The following SNED1 variants were observed in gnomAD, a reference collection of about 807,000 sequenced individuals.
The protein encoded by SNED1 is sushi, nidogen and EGF like domains 1, also known as sushi, nidogen and EGF-like domain-containing protein 1.
In SNED1, 81 loss-of-function variants were observed where a neutral mutation model predicts 166.7. That is an observed-to-expected ratio of 0.49 (90% confidence interval 0.41 to 0.58). The LOEUF is 0.58. SNED1 is among the 20% of genes least tolerant of loss of function. The probability of loss-of-function intolerance (pLI) is 0.00; values close to 1 mark genes in which losing one functional copy is unlikely to be tolerated. For synonymous variants in SNED1, 762 were observed against 822.0 expected (o/e 0.93, Z 1.25); for missense variants, 1,604 against 2,000.2 (o/e 0.80, Z 3.78).
chr2:241,030,813 A>G (rs1175563566), intron 2 of SNED1, among the ~76,000 whole-genome samples: 1 of 152,220 alleles, frequency 6.6e-6, no homozygotes, highest in Non-Finnish European at 1.5e-5. Context: ...AGCAGCTCAC[A>G]TGTCAGAGAG....
chr2:241,081,196 C>G (rs1035764803), intron 27 of SNED1, among the ~76,000 whole-genome samples: 31 of 152,218 alleles, frequency 2.0e-4, no homozygotes, highest in Non-Finnish European at 4.3e-4. Context: ...GCACCTCTCT[C>G]TAGTGAGAGT....
chr2:241,016,128 T>TAAAGTTAATTTAATGGCAAATTAAAGTAA (rs1559222586), intron 1 of SNED1: 1 of 152,004 alleles, frequency 6.6e-6, no homozygotes. Flanking sequence ...ATTAAATTAA[T>TAAAGTTAATTTAATGGCAAATTAAAGTAA]TGGTTTTCTG....
intron 27 of SNED1, chr2:241,074,895 C>T (rs2062947321): frequency 6.6e-6 from 1 of 152,206 alleles, no homozygotes; most frequent in Non-Finnish European, 1.5e-5. Context: ...TGATCCTGAA[C>T]TTTGTGCCTA....
intron 24 of SNED1, 88 bp downstream of exon 24, chr2:241,070,289 TGG>T: frequency 3.0e-6 from 4 of 1,352,682 alleles, no homozygotes; most frequent in Non-Finnish European, 4.0e-6. Context: ...TGCAGGGGCC[TGG>T]GATGCCAGGC....
At chr2:241,090,231 T>A in intron 31 of SNED1, 2 of 1,492,460 alleles carry the variant, frequency 1.3e-6, no homozygotes, top group Non-Finnish European at 1.8e-6. Flanking sequence ...ACTATTTAAC[T>A]TTTGTTAAAA....
At chr2:241,000,437 G>A (rs915964086) in intron 1 of SNED1, among the ~76,000 whole-genome samples, 10 of 152,302 alleles carry the variant, frequency 6.6e-5, no homozygotes, top group Middle Eastern at 3.4e-3. Flanking sequence ...ACTGACTCCT[G>A]GAAGTACGAA....
At chr2:241,056,806 C>T (rs1290634876) in intron 16 of SNED1, among the ~76,000 whole-genome samples, 1 of 151,704 alleles carries the variant, frequency 6.6e-6, no homozygotes, top group African/African-American at 2.4e-5. Context: ...TGGTCTCGAT[C>T]TCCTGACCTC....
intron 16 of SNED1, among the ~76,000 whole-genome samples, chr2:241,057,980 A>G (rs911536789): frequency 3.3e-5 from 5 of 152,214 alleles, no homozygotes; most frequent in Non-Finnish European, 7.3e-5. Context: ...TTATGATAGA[A>G]AAAATACAAA....
At chr2:241,025,324 G>C (rs547719226) in intron 1 of SNED1, among the ~76,000 whole-genome samples, 2 of 152,058 alleles carry the variant, frequency 1.3e-5, no homozygotes, top group Non-Finnish European at 2.9e-5. Flanking sequence ...TGGAAAAATT[G>C]TCTTCTATGA....
Position 241,068,808 on chromosome 2 carries a change from C to G in SNED1, c.3195-103C>G. 2.6e-6 allele frequency: 2 copies of G among 762,556 alleles called. No homozygotes were observed. 47.2% of individuals were successfully genotyped at this position (762,556 alleles called of 1,614,324 possible). Reference sequence around the variant, plus strand: ...CCTGGGCCACCAGCAGCAGGATGACCTCCCCGCAGTCACCTCCTGCCTGGG... The same window carrying G: ...CCTGGGCCACCAGCAGCAGGATGACGTCCCCGCAGTCACCTCCTGCCTGGG... On this transcript the variant is annotated intron_variant, in intron 22 of 31. Coordinates refer to ENST00000310397, the MANE Select transcript of SNED1 (RefSeq NM_001080437.3). This position sits in a 1 kb window ranked among gnomAD's most constrained non-coding sequence, Gnocchi z 5.3.
At chr2:241,029,933 G>A (rs1022409834) in intron 1 of SNED1, among the ~76,000 whole-genome samples, 10 of 152,270 alleles carry the variant, frequency 6.6e-5, no homozygotes, top group Non-Finnish European at 1.0e-4. Context: ...GAGCTGAGGA[G>A]CAGTAGCTGC....
chr2:241,078,189 T>C lies in SNED1; in HGVS notation c.3917-3488T>C, dbSNP rs375190930. On this transcript the variant is annotated intron_variant, in intron 27 of 31. Coordinates refer to ENST00000310397, the MANE Select transcript of SNED1 (RefSeq NM_001080437.3). ...CACCAGGTCAGGCGTTCGAGACAAGTCTGGCCAACGCGGTGAAACCCCGTC... is the reference window on the plus strand; with the variant it reads ...CACCAGGTCAGGCGTTCGAGACAAGCCTGGCCAACGCGGTGAAACCCCGTC... 7.7e-3 allele frequency among the ~76,000 whole-genome samples: 1,149 copies of C among 149,644 alleles called. 36 individuals carry two copies. Among genetic ancestry groups the C allele is most frequent in the African/African-American group, 0.027 (1,060 of 39,522 alleles).
Position 241,048,666 on chromosome 2 carries a change from C to A in SNED1, c.1404C>A (p.Val468=), listed in dbSNP as rs749449350. ...GFMGLDCRER[V]PDDCECRNGG... ...TCCTCCCTCTCTTCGTGGCAGGAGTCCCCGATGACTGTGAGTGCCGCAACG... is the reference window on the plus strand; with the variant it reads ...TCCTCCCTCTCTTCGTGGCAGGAGTACCCGATGACTGTGAGTGCCGCAACG... The change falls in exon 10 of 32, where the codon GTC becomes GTA. Residue 468 remains valine (V), a synonymous_variant. Transcript: ENST00000310397. The A allele has an allele frequency of 6.2e-7, 1 of 1,608,900 alleles. No homozygotes were observed.
rs1229958489 is a variant in SNED1, at chr2:240,999,910, C to G, written c.213+860C>G. On this transcript the variant is annotated intron_variant, in intron 1 of 31. Coordinates refer to ENST00000310397, the MANE Select transcript of SNED1 (RefSeq NM_001080437.3). The surrounding 1 kb of genome is among the most constrained non-coding windows in gnomAD (Gnocchi z 5.8). Reference sequence around the variant, plus strand: ...AACACCCCAGATCATATCTAGAAAACTGCTGGGCCAGCCTCAAGTAGAGTC... The same window carrying G: ...AACACCCCAGATCATATCTAGAAAAGTGCTGGGCCAGCCTCAAGTAGAGTC... Among the ~76,000 whole-genome samples, 1 of 152,180 alleles carries G rather than the reference C, an allele frequency of 6.6e-6. No homozygotes were observed. The highest frequency in any genetic ancestry group is 2.4e-5 in the African/African-American group (1 of 41,428).
At chr2:241,057,335 C>T (rs1245767713) in intron 16 of SNED1, among the ~76,000 whole-genome samples, 2 of 148,756 alleles carry the variant, frequency 1.3e-5, no homozygotes, top group African/African-American at 5.0e-5. Context: ...GCCGAGATTG[C>T]GCCATTGCAC....
Position 240,999,108 on chromosome 2 carries a change from G to A in SNED1, c.213+58G>A, listed in dbSNP as rs1308430299. 8.3e-6 allele frequency: 9 copies of A among 1,086,648 alleles called. No homozygotes were observed. The highest frequency in any genetic ancestry group is 9.1e-5 in the Admixed American group (2 of 21,984). The allele number at this position is 1,086,648 out of a possible 1,614,324, so 67.3% of individuals were successfully genotyped here. On this transcript the variant is annotated intron_variant, in intron 1 of 31. Coordinates refer to ENST00000310397, the MANE Select transcript of SNED1 (RefSeq NM_001080437.3). This position sits in a 1 kb window ranked among gnomAD's most constrained non-coding sequence, Gnocchi z 5.8. ...GAGGGGAGGGAGCTGCGCCCCGGCC[G>A]CTGCCCGCCGGGCCCGGACTCCCGC... is the stretch of plus-strand genomic sequence containing the variant.
Position 241,064,247 on chromosome 2 carries a change from T to C in SNED1, c.2599+122T>C. 1 of 653,194 alleles carries C rather than the reference T, an allele frequency of 1.5e-6. No homozygotes were observed. Among genetic ancestry groups the C allele is most frequent in the Non-Finnish European group, 2.5e-6 (1 of 402,636 alleles). 40.5% of individuals were successfully genotyped at this position (653,194 alleles called of 1,614,324 possible). On this transcript the variant is annotated intron_variant, in intron 19 of 31. Coordinates refer to ENST00000310397, the MANE Select transcript of SNED1 (RefSeq NM_001080437.3). The surrounding 1 kb of genome is among the most constrained non-coding windows in gnomAD (Gnocchi z 7.0). ...CTCTGCCCGCCTGCTCCCCGCCCTC[T>C]GCCCGCCGCCTTGGAAGTCCCCTTC...
chr2:241,016,832 T>C (rs2060607789), intron 1 of SNED1, among the ~76,000 whole-genome samples: 1 of 151,418 alleles, frequency 6.6e-6, no homozygotes, highest in African/African-American at 2.4e-5. Context: ...ATTTGATAAG[T>C]TGCATTTTTC....
intron 5 of SNED1, 33 bp downstream of exon 5, chr2:241,036,948 T>C: frequency 6.3e-7 from 1 of 1,584,870 alleles, no homozygotes; most frequent in Non-Finnish European, 8.6e-7. Context: ...GACCACCCGC[T>C]GGCTGCGCTG....
Sources: gnomAD v4.1 joint callset for allele counts (sites outside exome capture counted in the v4.1 genomes callset) on GRCh38, gnomAD v4.1.1 for gene constraint, Gnocchi (gnomAD v3.1) non-coding constraint, MANE v1.5 for transcripts, NCBI Gene and HGNC (gene_info 2026-07-23, HGNC 2026-07-21) for gene names.